DYRK1A: variants seen among roughly 807,000 people sequenced by gnomAD.
DYRK1A encodes dual specificity tyrosine-phosphorylation-regulated kinase 1A.
A neutral mutation model predicts 79.7 loss-of-function variants in DYRK1A; 9 were observed. The observed-to-expected ratio is 0.11, with a 90% CI of 0.07 to 0.20. DYRK1A has a LOEUF of 0.20. Ranked by LOEUF, DYRK1A falls within the 10% of genes least tolerant of loss-of-function variation. The probability of loss-of-function intolerance (pLI) is 1.00; values close to 1 mark genes in which losing one functional copy is unlikely to be tolerated. For missense variants in DYRK1A, 622 were observed against 956.0 expected, an observed-to-expected ratio of 0.65 and a Z score of 4.61; for synonymous variants, 349 against 329.7, an observed-to-expected ratio of 1.06 and a Z score of -0.63.
intron 1 of DYRK1A, among the ~76,000 whole-genome samples, chr21:37,369,155 T>C (rs2049379715): frequency 2.6e-5 from 4 of 152,260 alleles, no homozygotes. Context: ...CTGTGACCCT[T>C]TTATAGTTTA....
chr21:37,436,240 G>A (rs1006245728), intron 2 of DYRK1A, among the ~76,000 whole-genome samples: 10 of 152,186 alleles, frequency 6.6e-5, no homozygotes, highest in African/African-American at 2.4e-4. Context: ...GTTTCAAACA[G>A]CTAGAGAGTA....
At chr21:37,461,619 G>A (rs1270979697) in intron 2 of DYRK1A, among the ~76,000 whole-genome samples, 2 of 152,040 alleles carry the variant, frequency 1.3e-5, no homozygotes, top group African/African-American at 4.8e-5. Flanking sequence ...TTTTGCCTTC[G>A]TTTTTGAAGG....
intron 9 of DYRK1A, 88 bp from the exon 10 acceptor site, chr21:37,505,195 T>C (rs761051222): frequency 2.8e-4 from 309 of 1,102,606 alleles, no homozygotes; most frequent in Admixed American, 3.8e-4. Context: ...CCTCAACATA[T>C]ATATTTAAAC....
chr21:37,420,488 G>A lies in DYRK1A; in HGVS notation c.10+104G>A, dbSNP rs997514071. The stretch of plus-strand genomic sequence containing the variant: ...TTTCTGATAAATAGCAGTTAGTGGG[G>A]GGAATTGTAGATCAGTAAATGCAAA... On this transcript the variant is annotated intron_variant, in intron 2 of 11. Transcript: ENST00000647188. The A allele has an allele frequency of 3.1e-5, 33 of 1,076,128 alleles. No homozygotes were observed. The Admixed American group carries it at 3.9e-4, about 13-fold the overall frequency. The allele number at this position is 1,076,128 out of a possible 1,614,324, so 66.7% of individuals were successfully genotyped here.
At chr21:37,459,649 T>C (rs2051773292) in intron 2 of DYRK1A, among the ~76,000 whole-genome samples, 1 of 152,234 alleles carries the variant, frequency 6.6e-6, no homozygotes, top group Non-Finnish European at 1.5e-5. Flanking sequence ...ATTTATGTAA[T>C]TGAAATTCTG....
chr21:37,401,523 C>T (rs2050054472), intron 1 of DYRK1A, among the ~76,000 whole-genome samples: 1 of 145,308 alleles, frequency 6.9e-6, no homozygotes, highest in Non-Finnish European at 1.5e-5. Flanking sequence ...GCTCTTGTTG[C>T]CCAGGCTGGA....
intron 11 of DYRK1A, among the ~76,000 whole-genome samples, chr21:37,509,704 T>C (rs1375294366): frequency 1.3e-5 from 2 of 152,240 alleles, no homozygotes; most frequent in Non-Finnish European, 2.9e-5. Context: ...GGATTACCGA[T>C]GTGAGCCGTC....
At chr21:37,439,740 G>A (rs371008863) in intron 2 of DYRK1A, among the ~76,000 whole-genome samples, 7 of 152,290 alleles carry the variant, frequency 4.6e-5, no homozygotes, top group East Asian at 1.9e-4. Context: ...TTGGGGGACC[G>A]CTGCTTTATC....
chr21:37,479,619 G>GTTT lies in DYRK1A; in HGVS notation c.301-1004_301-1002dup, dbSNP rs565080496. Among the ~76,000 whole-genome samples the GTTT allele has an allele frequency of 3.6e-3, 268 of 73,846 alleles. 16 individuals carry two copies. The highest frequency in any genetic ancestry group is 0.026 in the Middle Eastern group (2 of 76). The allele number at this position is 73,846 out of a possible 152,430, so 48.4% of individuals were successfully genotyped here. On this transcript the variant is annotated intron_variant, in intron 4 of 11. Coordinates refer to ENST00000647188, the MANE Select transcript of DYRK1A (RefSeq NM_001347721.2). ...GTTTTTGTTTTTGTTTTTGTTTTTT[G>GTTT]TTTTTTTTTTTTTTTTTGGAGACAG... is the stretch of plus-strand genomic sequence containing the variant.
intron 3 of DYRK1A, among the ~76,000 whole-genome samples, chr21:37,476,034 A>ATCTT (rs2052381812): frequency 6.6e-6 from 1 of 152,188 alleles, no homozygotes; most frequent in African/African-American, 2.4e-5. Flanking sequence ...GACTGCTAAG[A>ATCTT]GGGTAGACTA....
chr21:37,429,252 C>T (rs2050710090), intron 2 of DYRK1A, among the ~76,000 whole-genome samples: 1 of 151,882 alleles, frequency 6.6e-6, no homozygotes, highest in Non-Finnish European at 1.5e-5. Context: ...TGAGTGCTTG[C>T]TGTTTTTGTA....
chr21:37,469,830 A>G (rs1318921537), intron 2 of DYRK1A, among the ~76,000 whole-genome samples: 2 of 152,204 alleles, frequency 1.3e-5, no homozygotes, highest in Non-Finnish European at 2.9e-5. Context: ...CGACATGAGA[A>G]TTAGGCAGGG....
intron 1 of DYRK1A, among the ~76,000 whole-genome samples, chr21:37,387,263 CT>C (rs1391789024): frequency 1.3e-5 from 2 of 152,192 alleles, no homozygotes; most frequent in Non-Finnish European, 2.9e-5. Context: ...ACCTATCACA[CT>C]TTTTTCTTCC....
rs56814548 is a variant in DYRK1A, at chr21:37,406,731, GTATATCTCTA to G, written c.-76-13550_-76-13541del. Among the ~76,000 whole-genome samples the G allele has an allele frequency of 7.2e-5, 7 of 97,850 alleles. No individual in the cohort carries two copies. In the South Asian group the frequency reaches 9.6e-4, roughly 13 times the overall value. 64.2% of individuals were successfully genotyped at this position (97,850 alleles called of 152,430 possible). ...AAATGAAAAAAAAAATTATATCTATGTATATCTCTATATATCTCTATATATCTATATATGT... is the reference window on the plus strand; with the variant it reads ...AAATGAAAAAAAAAATTATATCTATGTATATCTCTATATATCTATATATGT... On this transcript the variant is annotated intron_variant, in intron 1 of 11. Coordinates refer to ENST00000647188, the MANE Select transcript of DYRK1A (RefSeq NM_001347721.2).
At chr21:37,481,258 C>T (rs2052631213) in intron 5 of DYRK1A, 1 of 153,170 alleles carries the variant, frequency 6.5e-6, no homozygotes, top group African/African-American at 2.4e-5. Context: ...CTTTGGAAAG[C>T]TGGGGGTTGT....
intron 2 of DYRK1A, among the ~76,000 whole-genome samples, chr21:37,455,242 T>G (rs2051597738): frequency 6.6e-6 from 1 of 152,130 alleles, no homozygotes; most frequent in Admixed American, 6.5e-5. Flanking sequence ...GAGTTAACCT[T>G]AGAGCTGGGA....
intron 1 of DYRK1A, among the ~76,000 whole-genome samples, chr21:37,375,665 AC>A (rs2049524840): frequency 6.6e-6 from 1 of 151,366 alleles, no homozygotes; most frequent in African/African-American, 2.4e-5. Context: ...AGCTGGAATT[AC>A]AGGTGCCTGT....
chr21:37,452,353 A>C (rs4817863), intron 2 of DYRK1A, among the ~76,000 whole-genome samples: 1 of 146,782 alleles, frequency 6.8e-6, no homozygotes, highest in African/African-American at 2.6e-5. Context: ...ATTGAGGGGG[A>C]TTGAGGTAAA....
At chr21:37,367,993 C>G (rs980266662) in intron 1 of DYRK1A, 1 of 158,632 alleles carries the variant, frequency 6.3e-6, no homozygotes, top group Non-Finnish European at 1.4e-5. Flanking sequence ...CCCAGCTCCT[C>G]CCTCGTCCCT....
Sources: allele counts gnomAD v4.1 joint callset (sites outside exome capture counted in the v4.1 genomes callset), GRCh38; gene constraint gnomAD v4.1.1; transcripts MANE v1.5; gene names NCBI Gene and HGNC (gene_info 2026-07-23, HGNC 2026-07-21).